Variants in LASP1 observed in about 807,000 individuals in gnomAD.
LASP1 encodes the protein LIM and SH3 domain protein 1.
Under a neutral mutation model 38.6 loss-of-function variants are expected in LASP1, and 10 were observed. The ratio of observed to expected loss-of-function variants is 0.26; its 90% confidence interval spans 0.16 to 0.44. LASP1 has a LOEUF of 0.44. Among genes scored for constraint, LASP1 ranks in the 20% least tolerant of loss-of-function variants. The pLI is 1.00. For missense variants in LASP1, 243 were observed against 375.7 expected (o/e 0.65, Z 2.92); for synonymous variants, 132 against 140.8 (o/e 0.94, Z 0.44).
chr17:38,875,057 G>GTGTGTGTGTGTGTGTGTGTT (rs1913722945), intron 1 of LASP1, among the ~76,000 whole-genome samples: 1 of 14,728 alleles, frequency 6.8e-5, no homozygotes, highest in Non-Finnish European at 1.6e-4. Flanking sequence ...GTAGCCCTTC[G>GTGTGTGTGTGTGTGTGTGTT]TGTGTGTGTG....
At position 38,914,411 on chromosome 17, in the gene LASP1, C is replaced by T. The variant is rs147575335; in HGVS notation, c.444C>T (p.Asp148=). 1,424 of 1,611,758 alleles carry T rather than the reference C, an allele frequency of 8.8e-4. 2 individuals are homozygous for T. Among genetic ancestry groups the T allele is most frequent in the Non-Finnish European group, 1.1e-3 (1,296 of 1,179,934 alleles). ...AGCCAGAGCGTCGGGATTCACAGGA[C>T]GGCAGCAGCTACCGGCGGCCCCTGG... ...GMEPERRDSQ[D]GSSYRRPLEQ... is the part of the protein sequence containing the mutation. Residue 148 remains aspartate, a synonymous_variant, in exon 5 of 7, where the codon GAC becomes GAT. Transcript: ENST00000318008.
At chr17:38,895,522 G>A (rs1914462585) in intron 3 of LASP1, among the ~76,000 whole-genome samples, 1 of 151,742 alleles carries the variant, frequency 6.6e-6, no homozygotes, top group African/African-American at 2.4e-5. Flanking sequence ...GTTTCAGCAT[G>A]TTAGGCTGGT....
rs1334302995 is a variant in LASP1 at position 38,920,214 on chromosome 17, G to C, written c.*1436G>C. 1 of 488,790 alleles carries C rather than the reference G, an allele frequency of 2.0e-6. No homozygotes were observed. Among genetic ancestry groups the C allele is most frequent in the East Asian group, 4.0e-5 (1 of 25,276 alleles). 30.3% of individuals were successfully genotyped at this position (488,790 alleles called of 1,614,324 possible). On this transcript the variant is annotated 3_prime_UTR_variant, in exon 7 of 7. Transcript: ENST00000318008. ...GAAGGCTCTGTCACTCCAGGCATAT[G>C]TTTCCCCATCTCTGTCTGGGGCTAC...
At chr17:38,901,767 TTTA>T (rs1914646687) in intron 4 of LASP1, among the ~76,000 whole-genome samples, 1 of 151,920 alleles carries the variant, frequency 6.6e-6, no homozygotes. Context: ...GAGCTTTATT[TTTA>T]TTTTTATTTT....
intron 1 of LASP1, among the ~76,000 whole-genome samples, chr17:38,877,721 T>TGG (rs1434082306): frequency 3.9e-5 from 6 of 152,272 alleles, no homozygotes; most frequent in Admixed American, 3.3e-4. Flanking sequence ...CCAGCGCAGC[T>TGG]TTGCATAAGC....
At chr17:38,897,331 GCTGCCAGATGATTCC>G (rs1444381803) in intron 3 of LASP1, among the ~76,000 whole-genome samples, 1 of 152,248 alleles carries the variant, frequency 6.6e-6, no homozygotes. Context: ...GCTCGGTGCT[GCTGCCAGATGATTCC>G]CTGCCAGGGA....
intron 2 of LASP1, among the ~76,000 whole-genome samples, chr17:38,885,089 G>C (rs1914077896): frequency 1.3e-5 from 2 of 152,174 alleles, no homozygotes; most frequent in Non-Finnish European, 1.5e-5. Context: ...AGTTGGGTTT[G>C]AAGGATGAAG....
intron 3 of LASP1, among the ~76,000 whole-genome samples, chr17:38,891,455 T>A (rs1914321419): frequency 6.6e-6 from 1 of 152,086 alleles, no homozygotes; most frequent in Non-Finnish European, 1.5e-5. Context: ...GCACCCTCTC[T>A]CAGCATCCTC....
intron 4 of LASP1, among the ~76,000 whole-genome samples, chr17:38,910,926 T>C (rs1384991776): frequency 1.3e-5 from 2 of 152,132 alleles, no homozygotes; most frequent in East Asian, 3.8e-4. Context: ...TTTCACCATG[T>C]TGGCCAGGCT....
chr17:38,884,099 C>T (rs1276561090), intron 2 of LASP1, among the ~76,000 whole-genome samples: 4 of 151,744 alleles, frequency 2.6e-5, no homozygotes, highest in Non-Finnish European at 5.9e-5. Flanking sequence ...TCCTTGAACA[C>T]AAAGCTGTGG....
intron 4 of LASP1, among the ~76,000 whole-genome samples, chr17:38,909,547 C>T (rs995013648): frequency 1.3e-5 from 2 of 151,376 alleles, no homozygotes; most frequent in Non-Finnish European, 1.5e-5. Context: ...GCAGAGGGTG[C>T]AGTAAGCCGA....
intron 1 of LASP1, among the ~76,000 whole-genome samples, chr17:38,874,426 C>T (rs1005397095): frequency 1.3e-5 from 2 of 151,900 alleles, no homozygotes; most frequent in East Asian, 1.9e-4. Flanking sequence ...TGGCTCACAG[C>T]GGTTGTGGAG....
intron 4 of LASP1, among the ~76,000 whole-genome samples, chr17:38,909,599 T>TC: frequency 6.7e-6 from 1 of 149,032 alleles, no homozygotes; most frequent in Middle Eastern, 3.5e-3. Context: ...AGAGCGAGAC[T>TC]CCATCTCAAA....
At chr17:38,906,865 T>C (rs1179354748) in intron 4 of LASP1, among the ~76,000 whole-genome samples, 3 of 152,130 alleles carry the variant, frequency 2.0e-5, no homozygotes, top group Non-Finnish European at 4.4e-5. Context: ...AACCCACATG[T>C]ACTTGGACCT....
intron 3 of LASP1, among the ~76,000 whole-genome samples, chr17:38,894,150 G>GC (rs990909724): frequency 6.6e-6 from 1 of 152,052 alleles, no homozygotes; most frequent in Admixed American, 6.5e-5. Flanking sequence ...TGGACCCCCA[G>GC]CCCCCCTTCT....
intron 2 of LASP1, among the ~76,000 whole-genome samples, chr17:38,884,448 C>T (rs868756668): frequency 6.7e-6 from 1 of 149,886 alleles, no homozygotes; most frequent in African/African-American, 2.5e-5. Context: ...AGTGCAATGG[C>T]GCAATCTTGG....
intron 2 of LASP1, among the ~76,000 whole-genome samples, chr17:38,887,152 C>G (rs1190974823): frequency 6.6e-6 from 1 of 152,200 alleles, no homozygotes; most frequent in East Asian, 1.9e-4. Flanking sequence ...TGCTAACCAG[C>G]CTCATCTTCT....
chr17:38,899,440 C>T (rs1914580333), intron 4 of LASP1, among the ~76,000 whole-genome samples: 1 of 152,096 alleles, frequency 6.6e-6, no homozygotes, highest in South Asian at 2.1e-4. Context: ...AGCACCCACT[C>T]CCTGGGCTCC....
intron 4 of LASP1, among the ~76,000 whole-genome samples, chr17:38,904,153 G>A (rs1013360828): frequency 1.3e-5 from 2 of 152,106 alleles, no homozygotes; most frequent in Admixed American, 1.3e-4. Flanking sequence ...ATTACTGTAT[G>A]CCTGTCAAGA....
Sources: gnomAD v4.1 joint callset for allele counts (sites outside exome capture counted in the v4.1 genomes callset) on GRCh38, gnomAD v4.1.1 for gene constraint, MANE v1.5 for transcripts, NCBI Gene and HGNC (gene_info 2026-07-23, HGNC 2026-07-21) for gene names.